RHOG: variants seen among roughly 807,000 people sequenced by gnomAD.
RHOG encodes ras homolog family member G.
In RHOG, 1 loss-of-function variant was observed where a neutral mutation model predicts 12.3. The observed-to-expected ratio is 0.08, with a 90% CI of 0.03 to 0.39. The LOEUF (loss-of-function observed/expected upper bound fraction) is 0.39, where lower values mean the gene tolerates loss of function less well. Ranked by LOEUF, RHOG falls within the 10% of genes least tolerant of loss-of-function variation. The pLI is 0.99. For missense variants in RHOG, 114 were observed against 266.2 expected, an observed-to-expected ratio of 0.43 and a Z score of 3.98; for synonymous variants, 129 against 116.0, an observed-to-expected ratio of 1.11 and a Z score of -0.72.
rs188794619 is a variant in RHOG at position 3,834,153 on chromosome 11, C to T, written c.-68-5947G>A. 9.9e-5 allele frequency among the ~76,000 whole-genome samples: 15 copies of T among 152,238 alleles called. No homozygotes were observed. The East Asian group carries it at 2.9e-3, about 29-fold the overall frequency. On this transcript the variant is annotated intron_variant, in intron 1 of 1. Coordinates refer to ENST00000351018, the MANE Select transcript of RHOG (RefSeq NM_001665.4). ...GGCCAGGCTGGTCTTGAACACCTGG[C>T]CTCAAGTGATCCACCTGCCTTGGCC...
chr11:3,828,761 C>T (rs767271845), intron 1 of RHOG, among the ~76,000 whole-genome samples: 16 of 151,600 alleles, frequency 1.1e-4, no homozygotes, highest in Middle Eastern at 3.4e-3. Context: ...GCTGGGACTA[C>T]AGGCACCCAC....
intron 1 of RHOG, among the ~76,000 whole-genome samples, chr11:3,829,677 T>G (rs759863026): frequency 6.6e-6 from 1 of 152,194 alleles, no homozygotes; most frequent in Non-Finnish European, 1.5e-5. Flanking sequence ...GGGTATGTTA[T>G]GATGAATGAG....
chr11:3,835,770 G>A (rs574099801), intron 1 of RHOG, among the ~76,000 whole-genome samples: 3 of 152,320 alleles, frequency 2.0e-5, no homozygotes, highest in East Asian at 1.9e-4. Flanking sequence ...GGGAATATCC[G>A]AGGACCCTTG....
rs57344316 is a variant in RHOG at position 3,836,902 on chromosome 11, C to CAAAAAAAAAAAAAAAAAAAAAAAAA, written c.-69+3967_-69+3991dup. ...TGGGTGACAGAGCAAGACTCCATCT[C>CAAAAAAAAAAAAAAAAAAAAAAAAA]AAAAAAAAAAAAAAAAAAAAAAAAA... On this transcript the variant is annotated intron_variant, in intron 1 of 1. Transcript: ENST00000351018. Among the ~76,000 whole-genome samples the CAAAAAAAAAAAAAAAAAAAAAAAAA allele has an allele frequency of 6.8e-5, 2 of 29,252 alleles. 1 individual carries two copies. The highest frequency in any genetic ancestry group is 3.8e-4 in the African/African-American group (2 of 5,228). The allele number at this position is 29,252 out of a possible 152,430, so 19.2% of individuals were successfully genotyped here.
At chr11:3,832,020 C>T (rs7342236) in intron 1 of RHOG, among the ~76,000 whole-genome samples, 11 of 151,852 alleles carry the variant, frequency 7.2e-5, no homozygotes, top group Non-Finnish European at 1.2e-4. Context: ...GGGAAGGGAA[C>T]GAGGACCGAC....
At chr11:3,828,824 G>A (rs1009531192) in intron 1 of RHOG, among the ~76,000 whole-genome samples, 3 of 151,636 alleles carry the variant, frequency 2.0e-5, no homozygotes, top group Middle Eastern at 3.4e-3. Flanking sequence ...GTTTCACCGT[G>A]TTGGCCAGGA....
rs1179124379 is a variant in RHOG, at chr11:3,838,831, C to CA, written c.-69+2062dup. Among the ~76,000 whole-genome samples, 3 of 152,268 alleles carry CA rather than the reference C, an allele frequency of 2.0e-5. No homozygotes were observed. In the East Asian group the frequency reaches 5.8e-4, roughly 29 times the overall value. ...TGAGGATGGAGCTCTAGAGTGGAAA[C>CA]AAGAGCCTCCATAGCCAGGATGGAC... On this transcript the variant is annotated intron_variant, in intron 1 of 1. Coordinates refer to ENST00000351018, the MANE Select transcript of RHOG (RefSeq NM_001665.4).
In RHOG at chr11:3,827,500, C is replaced by G. The variant is rs1013558993; in HGVS notation, c.*63G>C. On this transcript the variant is annotated 3_prime_UTR_variant, in exon 2 of 2. Coordinates refer to ENST00000351018, the MANE Select transcript of RHOG (RefSeq NM_001665.4). The surrounding 1 kb of genome is among the most constrained non-coding windows in gnomAD (Gnocchi z 7.3). ...GTCCTTAAGGCACAGCTGAGGCGGA[C>G]AAGGCACCAAGGCACAACTGGTGGG... 3 of 1,376,762 alleles carry G rather than the reference C, an allele frequency of 2.2e-6. No individual in the cohort carries two copies. The highest frequency in any genetic ancestry group is 3.6e-5 in the Admixed American group (2 of 55,378). 85.3% of individuals were successfully genotyped at this position (1,376,762 alleles called of 1,614,324 possible).
chr11:3,835,225 A>C (rs2090149726), intron 1 of RHOG, among the ~76,000 whole-genome samples: 1 of 152,122 alleles, frequency 6.6e-6, no homozygotes, highest in Non-Finnish European at 1.5e-5. Context: ...CTGTCAGTAA[A>C]TGACTGAATG....
intron 1 of RHOG, among the ~76,000 whole-genome samples, chr11:3,832,247 A>G (rs2090134151): frequency 6.6e-6 from 1 of 152,210 alleles, no homozygotes; most frequent in Non-Finnish European, 1.5e-5. Flanking sequence ...TACTATGCCT[A>G]TTCTACAGAT....
intron 1 of RHOG, among the ~76,000 whole-genome samples, chr11:3,829,987 T>C (rs868468911): frequency 1.3e-5 from 2 of 152,220 alleles, no homozygotes; most frequent in Middle Eastern, 3.4e-3. Context: ...CCTTGTGATC[T>C]GCCCGCCTTG....
intron 1 of RHOG, among the ~76,000 whole-genome samples, chr11:3,831,489 G>C (rs2090128756): frequency 6.6e-6 from 1 of 152,138 alleles, no homozygotes; most frequent in Non-Finnish European, 1.5e-5. Flanking sequence ...TCAGACAGTG[G>C]GTCAGGGAAG....
At chr11:3,838,680 G>A (rs2090170331) in intron 1 of RHOG, among the ~76,000 whole-genome samples, 1 of 152,192 alleles carries the variant, frequency 6.6e-6, no homozygotes, top group Admixed American at 6.5e-5. Flanking sequence ...GGAACAGGGA[G>A]AGCCCTTAAA....
chr11:3,835,235 G>A (rs1335920279), intron 1 of RHOG, among the ~76,000 whole-genome samples: 2 of 152,116 alleles, frequency 1.3e-5, no homozygotes, highest in Non-Finnish European at 2.9e-5. Context: ...ATGACTGAAT[G>A]AAGTCGATGC....
At chr11:3,840,822 C>G (rs1590484012) in intron 1 of RHOG, 72 bp downstream of exon 1, 1 of 152,404 alleles carries the variant, frequency 6.6e-6, no homozygotes, top group Middle Eastern at 3.4e-3. Flanking sequence ...GAGCCGGCGC[C>G]CGCGCCGAGT....
intron 1 of RHOG, among the ~76,000 whole-genome samples, chr11:3,836,963 G>T (rs972273226): frequency 6.7e-6 from 1 of 148,360 alleles, no homozygotes; most frequent in Non-Finnish European, 1.5e-5. Context: ...AGCTCTGGCT[G>T]GGGGAGCCAA....
intron 1 of RHOG, among the ~76,000 whole-genome samples, chr11:3,834,638 C>T (rs4379840): frequency 0.39 from 59,235 of 151,912 alleles, 12,792 homozygotes; most frequent in East Asian, 0.52. Flanking sequence ...TGAATGTGGT[C>T]CCTGGAGCCC....
chr11:3,838,379 G>C (rs74053503), intron 1 of RHOG, among the ~76,000 whole-genome samples: 1,938 of 152,292 alleles, frequency 0.013, 49 homozygotes, highest in African/African-American at 0.045. Context: ...TTTACCATCA[G>C]AGCCCTGTGG....
intron 1 of RHOG, chr11:3,837,688 A>G (rs2135141723): frequency 6.6e-6 from 1 of 152,310 alleles, no homozygotes; most frequent in African/African-American, 2.4e-5. Flanking sequence ...TACAAAGGAG[A>G]GAAGGTGAGG....
Sources: allele counts gnomAD v4.1 joint callset (sites outside exome capture counted in the v4.1 genomes callset), GRCh38; gene constraint gnomAD v4.1.1; non-coding constraint Gnocchi (gnomAD v3.1); transcripts MANE v1.5; gene names NCBI Gene and HGNC (gene_info 2026-07-23, HGNC 2026-07-21).